The following PDE1C variants were observed in gnomAD, a reference collection of about 807,000 sequenced individuals.
PDE1C encodes the protein phosphodiesterase 1C, also known as dual specificity calcium/calmodulin-dependent 3',5'-cyclic nucleotide phosphodiesterase 1C.
A neutral mutation model predicts 93.1 loss-of-function variants in PDE1C; 62 were observed. That is an observed-to-expected ratio of 0.67 (90% CI 0.54 to 0.82). PDE1C has a LOEUF of 0.82. PDE1C is among the 40% of genes least tolerant of loss of function. The pLI is 0.00. For missense variants in PDE1C, 742 were observed against 884.6 expected, an observed-to-expected ratio of 0.84 and a Z score of 2.04; for synonymous variants, 325 against 310.1, an observed-to-expected ratio of 1.05 and a Z score of -0.50.
chr7:31,698,403 T>C, the PDE1C span, among the ~76,000 whole-genome samples: 1 of 152,290 alleles, frequency 6.6e-6, no homozygotes, highest in Admixed American at 6.5e-5. Context: ...TCTTCACCAC[T>C]TACCTGTATA....
chr7:32,205,524 C>T (rs905267653), intron 2 of PDE1C, among the ~76,000 whole-genome samples: 16 of 151,952 alleles, frequency 1.1e-4, no homozygotes, highest in East Asian at 3.9e-4. Flanking sequence ...CTCTGTAAAA[C>T]GGACCAATCA....
chr7:32,114,019 A>G (rs1798835928), intron 3 of PDE1C, among the ~76,000 whole-genome samples: 1 of 152,230 alleles, frequency 6.6e-6, no homozygotes, highest in Non-Finnish European at 1.5e-5. Flanking sequence ...CCTCATGGAT[A>G]GGAAGAATAA....
At position 31,756,669 on chromosome 7, in the gene PDE1C, C is replaced by G. The variant is rs1054450970; in HGVS notation, c.1961-3116G>C. ...AAGGTAAAATACTCATTGACTTTTC[C>G]TCCCCCTGCTCCTCTCTGTGCCAGC... On this transcript the variant is annotated intron_variant, in intron 17 of 17. Transcript: ENST00000396191. Among the ~76,000 whole-genome samples the G allele has an allele frequency of 2.6e-5, 4 of 152,204 alleles. No individual in the cohort carries two copies. In the East Asian group the frequency reaches 7.7e-4, roughly 29 times the overall value.
At chr7:32,135,422 C>CA (rs139563488) in intron 3 of PDE1C, among the ~76,000 whole-genome samples, 3,755 of 151,924 alleles carry the variant, frequency 0.025, 146 homozygotes, top group African/African-American at 0.086. Context: ...AACTCAATAG[C>CA]AAAAAAATGA....
chr7:31,750,421 AT>A (rs1430672380), downstream of PDE1C, among the ~76,000 whole-genome samples: 1 of 152,148 alleles, frequency 6.6e-6, no homozygotes, highest in Non-Finnish European at 1.5e-5. Flanking sequence ...GAAGTTGGAG[AT>A]TATCTACCTG....
At chr7:31,928,896 C>A (rs1803779998) in intron 2 of PDE1C, among the ~76,000 whole-genome samples, 1 of 152,128 alleles carries the variant, frequency 6.6e-6, no homozygotes, top group African/African-American at 2.4e-5. Flanking sequence ...AAATGATCAG[C>A]TAGCATCATG....
intron 1 of PDE1C, among the ~76,000 whole-genome samples, chr7:32,252,483 G>A (rs1477387516): frequency 1.3e-5 from 2 of 152,172 alleles, no homozygotes; most frequent in African/African-American, 4.8e-5. Flanking sequence ...ATACTTTTTT[G>A]AGAAACTAAC....
At chr7:32,333,118 CA>C (rs1783546212) in intron 1 of PDE1C, among the ~76,000 whole-genome samples, 2 of 152,074 alleles carry the variant, frequency 1.3e-5, no homozygotes, top group African/African-American at 2.4e-5. Context: ...AATAAATAAC[CA>C]AAACCATAGT....
intron 1 of PDE1C, among the ~76,000 whole-genome samples, chr7:32,409,807 T>C (rs564967491): frequency 6.6e-6 from 1 of 151,810 alleles, no homozygotes; most frequent in East Asian, 1.9e-4. Flanking sequence ...TTCCTTAATA[T>C]AGTATTATTT....
chr7:31,929,088 A>G lies in PDE1C; in HGVS notation c.129-48228T>C, dbSNP rs1329082464. ...AGGCTCAAAATAAAGGGATGGAGGA[A>G]TATTTACCAAGCAAATGGAAAGCAA... On this transcript the variant is annotated intron_variant, in intron 2 of 17. Transcript: ENST00000396191. 6.1e-5 allele frequency among the ~76,000 whole-genome samples: 9 copies of G among 148,492 alleles called. 1 individual carries two copies. Among genetic ancestry groups the G allele is most frequent in the Non-Finnish European group, 4.5e-5 (3 of 66,908 alleles).
rs115765434 is a variant in PDE1C, at chr7:32,058,820, T to C, written c.102-7240A>G. Among the ~76,000 whole-genome samples the C allele has an allele frequency of 2.2e-3, 339 of 152,262 alleles. 3 individuals are homozygous for C. Among genetic ancestry groups the C allele is most frequent in the African/African-American group, 7.8e-3 (326 of 41,562 alleles). On this transcript the variant is annotated intron_variant, in intron 1 of 17. Coordinates refer to ENST00000396191, the MANE Select transcript of PDE1C (RefSeq NM_001191057.4). ...TATTTAAGGGTGAGAAAGGAGATAA[T>C]AGAGTAAGAGAATCTCCTGTCTTAC...
the PDE1C span, among the ~76,000 whole-genome samples, chr7:31,733,554 A>T: frequency 6.6e-6 from 1 of 152,232 alleles, no homozygotes; most frequent in African/African-American, 2.4e-5. Context: ...TGTCATCAGA[A>T]TCCAGGCTTT....
chr7:31,688,167 T>C, the PDE1C span, among the ~76,000 whole-genome samples: 1 of 152,208 alleles, frequency 6.6e-6, no homozygotes. Flanking sequence ...CGGGACTCCA[T>C]GCACATTCTA....
chr7:31,709,211 C>T, the PDE1C span, among the ~76,000 whole-genome samples: 1 of 152,108 alleles, frequency 6.6e-6, no homozygotes, highest in African/African-American at 2.4e-5. Flanking sequence ...TACTGACTTC[C>T]TGGGTTAAGG....
intron 2 of PDE1C, among the ~76,000 whole-genome samples, chr7:31,998,719 A>C (rs926835362): frequency 1.3e-5 from 2 of 152,232 alleles, no homozygotes; most frequent in African/African-American, 2.4e-5. Flanking sequence ...TCATTAACAC[A>C]AAAATTCTAA....
the PDE1C span, among the ~76,000 whole-genome samples, chr7:31,701,505 A>G: frequency 6.6e-6 from 1 of 152,266 alleles, no homozygotes; most frequent in Admixed American, 6.5e-5. Flanking sequence ...AATGACAACA[A>G]AGGGTTTAGA....
upstream of PDE1C, chr7:32,299,445 A>G: frequency 1.0e-6 from 1 of 982,716 alleles, no homozygotes; most frequent in Non-Finnish European, 1.2e-6. Flanking sequence ...AAGTCACCGG[A>G]GGCTCTATGA....
the PDE1C span, among the ~76,000 whole-genome samples, chr7:31,668,201 T>C: frequency 2.6e-5 from 4 of 152,116 alleles, no homozygotes; most frequent in Non-Finnish European, 2.9e-5. Context: ...TGTAGCAAAA[T>C]TGGAACCCTC....
At chr7:31,768,687 A>G (rs1486596808) in intron 17 of PDE1C, among the ~76,000 whole-genome samples, 1 of 152,182 alleles carries the variant, frequency 6.6e-6, no homozygotes, top group South Asian at 2.1e-4. Context: ...TATGGTCACT[A>G]GTCACTCAAA....
Sources: allele counts gnomAD v4.1 joint callset (sites outside exome capture counted in the v4.1 genomes callset), GRCh38; gene constraint gnomAD v4.1.1; transcripts MANE v1.5; gene names NCBI Gene and HGNC (gene_info 2026-07-23, HGNC 2026-07-21).